Variants in AGBL1 observed in about 807,000 individuals in gnomAD.
The protein encoded by AGBL1 is cytosolic carboxypeptidase 4.
AGBL1 carries 130 observed loss-of-function variants against 118.9 expected under a neutral mutation model. That is an observed-to-expected ratio of 1.09 (90% CI 0.95 to 1.26). The LOEUF (loss-of-function observed/expected upper bound fraction) is 1.26. Ranked by LOEUF, AGBL1 falls within the 50% of genes most tolerant of loss-of-function variation. AGBL1 has a pLI of 0.00. For synonymous variants in AGBL1, 555 were observed against 478.9 expected (o/e 1.16, Z -2.08); for missense variants, 1,584 against 1,298.1 (o/e 1.22, Z -3.38).
At chr15:86,728,728 T>G (rs731597) in intron 22 of AGBL1, among the ~76,000 whole-genome samples, 95,517 of 151,928 alleles carry the variant, frequency 0.63, 30,371 homozygotes, top group Middle Eastern at 0.7. Flanking sequence ...TGTTCACATC[T>G]TTTAAAATTT....
chr15:86,414,681 A>G (rs2081666301), intron 18 of AGBL1, among the ~76,000 whole-genome samples: 1 of 152,206 alleles, frequency 6.6e-6, no homozygotes, highest in Non-Finnish European at 1.5e-5. Flanking sequence ...AATATATGCC[A>G]TTTCCTGAAG....
At chr15:86,094,294 A>T (rs1896216619) in intron 1 of AGBL1, among the ~76,000 whole-genome samples, 1 of 152,162 alleles carries the variant, frequency 6.6e-6, no homozygotes, top group Non-Finnish European at 1.5e-5. Context: ...ATTTTGTAGC[A>T]GCCTTTGGCA....
intron 1 of AGBL1, among the ~76,000 whole-genome samples, chr15:86,133,696 C>G (rs1217740027): frequency 6.6e-6 from 1 of 152,192 alleles, no homozygotes; most frequent in East Asian, 1.9e-4. Flanking sequence ...ATATCCTTGA[C>G]AATTCATTAT....
chr15:86,426,365 TC>T (rs2081866501), intron 18 of AGBL1, among the ~76,000 whole-genome samples: 1 of 152,230 alleles, frequency 6.6e-6, no homozygotes, highest in Non-Finnish European at 1.5e-5. Flanking sequence ...AAATCTCTTT[TC>T]CCAGGTCTGT....
intron 21 of AGBL1, among the ~76,000 whole-genome samples, chr15:86,583,359 A>G (rs1448027766): frequency 6.6e-6 from 1 of 151,896 alleles, no homozygotes; most frequent in Admixed American, 6.6e-5. Flanking sequence ...CCCTCTCTCC[A>G]GTGTCTATTA....
chr15:86,226,988 A>G (rs933839299), intron 6 of AGBL1, among the ~76,000 whole-genome samples: 3 of 152,242 alleles, frequency 2.0e-5, no homozygotes, highest in African/African-American at 7.2e-5. Flanking sequence ...AAATCCTGAA[A>G]TAAGTATTTG....
intron 16 of AGBL1, among the ~76,000 whole-genome samples, chr15:86,291,169 T>C (rs1338670957): frequency 6.6e-6 from 1 of 152,202 alleles, no homozygotes; most frequent in Non-Finnish European, 1.5e-5. Context: ...TTGTCTGAGC[T>C]TTTGTATGTC....
Position 86,223,897 on chromosome 15 carries a change from A to G in AGBL1, c.489-1017A>G, listed in dbSNP as rs549142111. Among the ~76,000 whole-genome samples, 72 of 152,284 alleles carry G rather than the reference A, an allele frequency of 4.7e-4. No individual in the cohort carries two copies. In the South Asian group the frequency reaches 9.1e-3, roughly 19 times the overall value. On this transcript the variant is annotated intron_variant, in intron 5 of 22. Transcript: ENST00000614907. ...TATATTGCAAAGTGAGCTTTCATTGACCAGGCAGAGGCCAGGGTAGGGCCA... is the reference window on the plus strand; with the variant it reads ...TATATTGCAAAGTGAGCTTTCATTGGCCAGGCAGAGGCCAGGGTAGGGCCA...
rs181188354 is a variant in AGBL1 at position 86,110,559 on chromosome 15, G to A, written c.51+30536G>A. ...GTCTTGCTGTCTCAGGGGTGGCAGA[G>A]GGGGAAGAAAATCCATGTATGAGTG... On this transcript the variant is annotated intron_variant, in intron 1 of 22. Transcript: ENST00000614907. Among the ~76,000 whole-genome samples, 10 of 152,228 alleles carry A rather than the reference G, an allele frequency of 6.6e-5. No individual in the cohort carries two copies. In the East Asian group the frequency reaches 1.9e-3, roughly 29 times the overall value.
intron 5 of AGBL1, among the ~76,000 whole-genome samples, chr15:86,191,284 G>A (rs1486835577): frequency 6.8e-6 from 1 of 146,458 alleles, no homozygotes; most frequent in Non-Finnish European, 1.5e-5. Flanking sequence ...GGAGGCGGAG[G>A]TTGTGGTGAG....
chr15:86,499,469 T>C (rs976510797), intron 18 of AGBL1, among the ~76,000 whole-genome samples: 3 of 151,802 alleles, frequency 2.0e-5, no homozygotes, highest in African/African-American at 7.3e-5. Flanking sequence ...ATTTTAGAAG[T>C]TGAAGAAGAG....
At chr15:86,962,543 C>T (rs1239938306) in intron 23 of AGBL1, among the ~76,000 whole-genome samples, 1 of 151,928 alleles carries the variant, frequency 6.6e-6, no homozygotes, top group Admixed American at 6.6e-5. Flanking sequence ...TTATTAATAA[C>T]ACTTCTTGGA....
At chr15:86,134,360 G>A (rs998808627) in intron 1 of AGBL1, among the ~76,000 whole-genome samples, 1 of 152,162 alleles carries the variant, frequency 6.6e-6, no homozygotes, top group Non-Finnish European at 1.5e-5. Flanking sequence ...TCATGAGTTT[G>A]GAAAGGTTCT....
chr15:86,785,085 C>A (rs1166869106), intron 22 of AGBL1, among the ~76,000 whole-genome samples: 1 of 152,164 alleles, frequency 6.6e-6, no homozygotes, highest in African/African-American at 2.4e-5. Context: ...GGTGTTACTG[C>A]AGAGGAAACC....
Position 86,887,502 on chromosome 15 carries a change from A to G in AGBL1, c.3159-19585A>G, listed in dbSNP as rs1055936777. Among the ~76,000 whole-genome samples the G allele has an allele frequency of 4.6e-5, 7 of 152,326 alleles. No homozygotes were observed. In the East Asian group the frequency reaches 5.8e-4, roughly 13 times the overall value. On this transcript the variant is annotated intron_variant, in intron 22 of 22. Coordinates refer to ENST00000614907, the MANE Select transcript of AGBL1 (RefSeq NM_001386094.1). ...CATCTCTCTCAAGCCATATTCTGCTATGCTTTCATTTTAAGCTTTTAGTTC... is the reference window on the plus strand; with the variant it reads ...CATCTCTCTCAAGCCATATTCTGCTGTGCTTTCATTTTAAGCTTTTAGTTC...
At chr15:86,896,459 T>A (rs1304271791) in intron 22 of AGBL1, among the ~76,000 whole-genome samples, 1 of 152,110 alleles carries the variant, frequency 6.6e-6, no homozygotes, top group Non-Finnish European at 1.5e-5. Flanking sequence ...CCTCAAGTTT[T>A]CACCAACAAG....
At chr15:86,535,706 A>AT (rs1162813549) in intron 19 of AGBL1, among the ~76,000 whole-genome samples, 1 of 151,808 alleles carries the variant, frequency 6.6e-6, no homozygotes, top group Non-Finnish European at 1.5e-5. Flanking sequence ...TACTTAAATG[A>AT]TTTTTCTGGT....
intron 22 of AGBL1, among the ~76,000 whole-genome samples, chr15:86,689,201 A>G (rs2142595375): frequency 6.6e-6 from 1 of 152,266 alleles, no homozygotes; most frequent in East Asian, 1.9e-4. Flanking sequence ...CATTTTCTAC[A>G]GATGGTTGCA....
intron 17 of AGBL1, among the ~76,000 whole-genome samples, chr15:86,341,592 C>G (rs2080462261): frequency 6.6e-6 from 1 of 152,140 alleles, no homozygotes; most frequent in Non-Finnish European, 1.5e-5. Flanking sequence ...TTTAAAGATT[C>G]CTCATGTCTT....
Sources: gnomAD v4.1 joint callset for allele counts (sites outside exome capture counted in the v4.1 genomes callset) on GRCh38, gnomAD v4.1.1 for gene constraint, MANE v1.5 for transcripts, NCBI Gene and HGNC (gene_info 2026-07-23, HGNC 2026-07-21) for gene names.